Variants in SOX5 observed in about 807,000 individuals in gnomAD.
SOX5 encodes SRY-box transcription factor 5, also known as transcription factor SOX-5.
A neutral mutation model predicts 92.0 loss-of-function variants in SOX5; 9 were observed. The observed-to-expected ratio is 0.10, with a 90% CI of 0.06 to 0.17. SOX5 has a LOEUF of 0.17. SOX5 is among the 10% of genes least tolerant of loss of function. The pLI is 1.00. For missense variants in SOX5, 642 were observed against 944.5 expected, an observed-to-expected ratio of 0.68 and a Z score of 4.20; for synonymous variants, 344 against 336.3, an observed-to-expected ratio of 1.02 and a Z score of -0.25.
intron 4 of SOX5, among the ~76,000 whole-genome samples, chr12:24,096,713 T>C (rs771405739): frequency 2.6e-4 from 39 of 152,200 alleles, no homozygotes; most frequent in Non-Finnish European, 5.0e-4. Context: ...TATTCAACCA[T>C]TGAGAAAATT....
At chr12:23,795,423 A>T (rs2095545378) in intron 3 of SOX5, among the ~76,000 whole-genome samples, 1 of 152,104 alleles carries the variant, frequency 6.6e-6, no homozygotes, top group Non-Finnish European at 1.5e-5. Context: ...TCTGTACCTC[A>T]ACTATGTTCC....
chr12:23,901,230 C>T (rs769746637), intron 1 of SOX5, among the ~76,000 whole-genome samples: 9 of 152,064 alleles, frequency 5.9e-5, no homozygotes, highest in Middle Eastern at 3.4e-3. Flanking sequence ...AAGATGAGGC[C>T]GTGAACCAAG....
intron 4 of SOX5, among the ~76,000 whole-genome samples, chr12:23,963,258 A>T (rs1373927013): frequency 1.3e-5 from 2 of 152,232 alleles, no homozygotes; most frequent in African/African-American, 2.4e-5. Flanking sequence ...TAACATGCTG[A>T]CAAAACACAG....
intron 9 of SOX5, among the ~76,000 whole-genome samples, chr12:23,577,622 GTTTATATTGTCTGTTTCAGAAAAAA>G (rs1949372489): frequency 6.7e-6 from 1 of 148,318 alleles, no homozygotes; most frequent in South Asian, 2.2e-4. Flanking sequence ...TCTTATTTCA[GTTTATATTGTCTGTTTCAGAAAAAA>G]AAAATTGAAA....
chr12:24,470,580 C>T (rs1323186353), intron 1 of SOX5, among the ~76,000 whole-genome samples: 1 of 152,120 alleles, frequency 6.6e-6, no homozygotes, highest in Non-Finnish European at 1.5e-5. Flanking sequence ...GGCAGGGAAA[C>T]ACTCTCATTT....
At chr12:23,615,128 G>A (rs2076400205) in intron 8 of SOX5, among the ~76,000 whole-genome samples, 1 of 152,080 alleles carries the variant, frequency 6.6e-6, no homozygotes, top group African/African-American at 2.4e-5. Context: ...ACTTGGTATT[G>A]TCTTTTTAAT....
chr12:24,388,417 C>A (rs1444713678), intron 1 of SOX5, among the ~76,000 whole-genome samples: 2 of 152,040 alleles, frequency 1.3e-5, no homozygotes, highest in Non-Finnish European at 2.9e-5. Context: ...TCAGGCCATG[C>A]ATTCCTGCAG....
intron 1 of SOX5, among the ~76,000 whole-genome samples, chr12:24,505,465 G>T (rs1205521950): frequency 1.3e-5 from 2 of 152,164 alleles, no homozygotes; most frequent in Non-Finnish European, 2.9e-5. Flanking sequence ...GCCAGTATGT[G>T]TTATGCTTTT....
At chr12:24,464,678 C>T (rs569758488) in intron 1 of SOX5, among the ~76,000 whole-genome samples, 2 of 152,256 alleles carry the variant, frequency 1.3e-5, no homozygotes, top group Middle Eastern at 3.4e-3. Context: ...ACTATGTGCA[C>T]GCACTCTTCT....
intron 10 of SOX5, among the ~76,000 whole-genome samples, chr12:23,563,751 A>C (rs935661721): frequency 3.3e-5 from 5 of 152,190 alleles, no homozygotes; most frequent in Non-Finnish European, 5.9e-5. Context: ...ACCCATTTTT[A>C]ATTTTTTTTC....
chr12:24,324,808 T>C (rs760407149), intron 2 of SOX5, among the ~76,000 whole-genome samples: 18 of 152,056 alleles, frequency 1.2e-4, no homozygotes, highest in Non-Finnish European at 2.4e-4. Context: ...TTAATACATA[T>C]GGGATATAGC....
chr12:23,717,644 G>T (rs1220939124), intron 6 of SOX5, among the ~76,000 whole-genome samples: 1 of 152,172 alleles, frequency 6.6e-6, no homozygotes, highest in African/African-American at 2.4e-5. Context: ...CTATGAGTAG[G>T]AGCAGATCAT....
At chr12:24,162,318 A>T (rs1041146056) in intron 4 of SOX5, among the ~76,000 whole-genome samples, 1 of 152,132 alleles carries the variant, frequency 6.6e-6, no homozygotes, top group Non-Finnish European at 1.5e-5. Flanking sequence ...AAGCTAGTGC[A>T]TATTATTTAA....
chr12:23,754,081 C>A (rs17474391), intron 4 of SOX5, among the ~76,000 whole-genome samples: 9,548 of 151,928 alleles, frequency 0.063, 451 homozygotes, highest in Non-Finnish European at 0.099. Context: ...ACAGAAACTT[C>A]TTTTGTGATT....
intron 4 of SOX5, among the ~76,000 whole-genome samples, chr12:24,102,733 A>G (rs1025095997): frequency 2.0e-5 from 3 of 152,212 alleles, no homozygotes; most frequent in South Asian, 2.1e-4. Flanking sequence ...ACAATTTCCT[A>G]TCTTATCTAC....
intron 5 of SOX5, among the ~76,000 whole-genome samples, chr12:23,737,358 G>A (rs577626960): frequency 6.5e-4 from 99 of 152,104 alleles, no homozygotes; most frequent in African/African-American, 1.5e-3. Flanking sequence ...GGCCAACATA[G>A]TGAAACCCCG....
At chr12:23,899,762 ACAACTATTTGATG>A (rs2097213109) in intron 1 of SOX5, among the ~76,000 whole-genome samples, 2 of 152,248 alleles carry the variant, frequency 1.3e-5, no homozygotes, top group African/African-American at 4.8e-5. Flanking sequence ...CAAATCATCA[ACAACTATTTGATG>A]ATCAGCTACC....
intron 4 of SOX5, 34 bp from the exon 5 acceptor site, chr12:23,741,073 A>C (rs2093778516): frequency 6.7e-7 from 1 of 1,494,796 alleles, no homozygotes; most frequent in South Asian, 1.3e-5. Context: ...CAGACAAAAT[A>C]AATGAAAAAA....
At chr12:24,450,359 A>G (rs951924501) in intron 1 of SOX5, among the ~76,000 whole-genome samples, 2 of 152,218 alleles carry the variant, frequency 1.3e-5, no homozygotes, top group Non-Finnish European at 2.9e-5. Context: ...TTGTGGCTAC[A>G]TAGCAGGTAT....
Sources: gnomAD v4.1 joint callset for allele counts (sites outside exome capture counted in the v4.1 genomes callset) on GRCh38, gnomAD v4.1.1 for gene constraint, MANE v1.5 for transcripts, NCBI Gene and HGNC (gene_info 2026-07-23, HGNC 2026-07-21) for gene names.